The following CRPPA variants were observed in gnomAD, a reference collection of about 807,000 sequenced individuals.
CRPPA encodes the protein CDP-L-ribitol pyrophosphorylase A, also known as D-ribitol-5-phosphate cytidylyltransferase.
Under a neutral mutation model 52.0 loss-of-function variants are expected in CRPPA, and 43 were observed. The ratio of observed to expected loss-of-function variants is 0.83; its 90% CI spans 0.65 to 1.07. The LOEUF is 1.07. Ranked by LOEUF, CRPPA falls within the 50% of genes least tolerant of loss-of-function variation. CRPPA has a pLI of 0.00. For synonymous variants in CRPPA, 250 were observed against 203.5 expected (o/e 1.23, Z -1.94); for missense variants, 629 against 551.7 (o/e 1.14, Z -1.40).
At position 16,399,641 on chromosome 7, in the gene CRPPA, G is replaced by A. The variant is rs559838779; in HGVS notation, c.534+6420C>T. 4.1e-3 allele frequency among the ~76,000 whole-genome samples: 622 copies of A among 151,770 alleles called. 3 individuals are homozygous for A. The highest frequency in any genetic ancestry group is 4.2e-3 in the Non-Finnish European group (282 of 67,914). On this transcript the variant is annotated intron_variant, in intron 2 of 9. Coordinates refer to ENST00000407010, the MANE Select transcript of CRPPA (RefSeq NM_001101426.4). Reference sequence around the variant, plus strand: ...TGACTGACCCGATCGACACATGATCGACATGTAATCAACGTGTGACACGTG... The same window carrying A: ...TGACTGACCCGATCGACACATGATCAACATGTAATCAACGTGTGACACGTG...
At chr7:16,245,060 A>C (rs73291500) in intron 8 of CRPPA, among the ~76,000 whole-genome samples, 2,817 of 152,090 alleles carry the variant, frequency 0.019, 103 homozygotes, top group African/African-American at 0.064. Flanking sequence ...AAAAAAAAAA[A>C]AGCTTGTGGT....
intron 8 of CRPPA, among the ~76,000 whole-genome samples, chr7:16,219,885 T>G (rs1280956095): frequency 1.3e-5 from 2 of 149,648 alleles, no homozygotes; most frequent in East Asian, 2.0e-4. Context: ...CTGGTACCAT[T>G]CCTTCTGAAA....
At chr7:16,180,998 T>G (rs1781402453) in intron 9 of CRPPA, among the ~76,000 whole-genome samples, 1 of 151,960 alleles carries the variant, frequency 6.6e-6, no homozygotes, top group Non-Finnish European at 1.5e-5. Context: ...GTGATATACA[T>G]GATTAGAAAA....
intron 2 of CRPPA, among the ~76,000 whole-genome samples, chr7:16,399,964 C>T (rs965732447): frequency 2.0e-5 from 3 of 152,134 alleles, no homozygotes; most frequent in East Asian, 1.9e-4. Context: ...ACATGGCTTA[C>T]ATGTGACACG....
chr7:16,252,631 G>C (rs1783490945), intron 8 of CRPPA, among the ~76,000 whole-genome samples: 1 of 152,130 alleles, frequency 6.6e-6, no homozygotes, highest in Non-Finnish European at 1.5e-5. Context: ...AAATGAGTTA[G>C]AGAGGATTCC....
chr7:16,259,462 CACA>C (rs1562592090), intron 6 of CRPPA, among the ~76,000 whole-genome samples: 3 of 151,922 alleles, frequency 2.0e-5, no homozygotes, highest in South Asian at 2.1e-4. Flanking sequence ...AAGAAATCAT[CACA>C]ACAATATAAG....
At chr7:16,231,616 T>C (rs986836471) in intron 8 of CRPPA, among the ~76,000 whole-genome samples, 4 of 149,216 alleles carry the variant, frequency 2.7e-5, no homozygotes, top group East Asian at 2.5e-4. Context: ...AATTACACAG[T>C]CTAAGCTAAA....
chr7:16,146,065 C>A (rs1782968523), intron 9 of CRPPA, among the ~76,000 whole-genome samples: 1 of 152,028 alleles, frequency 6.6e-6, no homozygotes, highest in Non-Finnish European at 1.5e-5. Context: ...ATTTTGAAAG[C>A]AGCAAGAGAA....
At chr7:16,261,368 G>A (rs1783792314) in intron 6 of CRPPA, among the ~76,000 whole-genome samples, 4 of 152,132 alleles carry the variant, frequency 2.6e-5, no homozygotes, top group Non-Finnish European at 5.9e-5. Flanking sequence ...GTGAGAGAAG[G>A]AGATAGCACA....
At chr7:16,144,374 G>C (rs934372720) in intron 9 of CRPPA, among the ~76,000 whole-genome samples, 4 of 152,210 alleles carry the variant, frequency 2.6e-5, no homozygotes, top group African/African-American at 9.6e-5. Context: ...TACCTGTCTA[G>C]AGACATGCCC....
chr7:16,114,981 T>G (rs2128368066), intron 9 of CRPPA, among the ~76,000 whole-genome samples: 1 of 152,160 alleles, frequency 6.6e-6, no homozygotes, highest in African/African-American at 2.4e-5. Context: ...GGCAAAAGAC[T>G]AAGGTAACAC....
At chr7:16,153,176 A>T (rs1282936990) in intron 9 of CRPPA, among the ~76,000 whole-genome samples, 1 of 152,044 alleles carries the variant, frequency 6.6e-6, no homozygotes, top group Non-Finnish European at 1.5e-5. Context: ...ATTAAAGATT[A>T]TTACCCTATC....
At chr7:16,114,295 T>C (rs564389724) in intron 9 of CRPPA, among the ~76,000 whole-genome samples, 114 of 147,134 alleles carry the variant, frequency 7.7e-4, no homozygotes, top group South Asian at 7.5e-3. Context: ...CACGCACACA[T>C]ACACACACAC....
chr7:16,330,172 T>C (rs1785514806), intron 3 of CRPPA, among the ~76,000 whole-genome samples: 1 of 152,230 alleles, frequency 6.6e-6, no homozygotes, highest in Non-Finnish European at 1.5e-5. Flanking sequence ...AACCAATTAA[T>C]TGTATTCTTA....
intron 8 of CRPPA, among the ~76,000 whole-genome samples, chr7:16,249,132 C>A (rs549058701): frequency 6.6e-5 from 10 of 152,140 alleles, no homozygotes; most frequent in Non-Finnish European, 1.2e-4. Flanking sequence ...TGCAACCCAC[C>A]AGAGCTCAGT....
intron 6 of CRPPA, among the ~76,000 whole-genome samples, chr7:16,275,559 A>G (rs56279207): frequency 0.3 from 45,995 of 152,054 alleles, 8,712 homozygotes; most frequent in Admixed American, 0.43. Flanking sequence ...GCTAGGTGCA[A>G]TGGTCATGCC....
chr7:16,350,048 A>T (rs1786107151), intron 3 of CRPPA, among the ~76,000 whole-genome samples: 1 of 152,030 alleles, frequency 6.6e-6, no homozygotes, highest in African/African-American at 2.4e-5. Flanking sequence ...TAAAATGATC[A>T]GTGGATTTTT....
chr7:16,277,364 C>CAAAAAAAAAAAAAAAAAAAAAAAAAAAAA lies in CRPPA; in HGVS notation c.933+764_933+765insTTTTTTTTTTTTTTTTTTTTTTTTTTTTT, dbSNP rs35386502. 2.6e-5 allele frequency: 2 copies of CAAAAAAAAAAAAAAAAAAAAAAAAAAAAA among 77,740 alleles called. 1 individual carries two copies. The allele number at this position is 77,740 out of a possible 1,614,324, so 4.8% of individuals were successfully genotyped here. ...TTGGCAACAGAGTGAGACTCCATCT[C>CAAAAAAAAAAAAAAAAAAAAAAAAAAAAA]AAAAAAAAAAAAAAAAAAAAAAAAT... On this transcript the variant is annotated intron_variant, in intron 6 of 9. Transcript: ENST00000407010.
intron 5 of CRPPA, among the ~76,000 whole-genome samples, chr7:16,296,703 C>T (rs1379636972): frequency 6.6e-6 from 1 of 151,440 alleles, no homozygotes; most frequent in African/African-American, 2.4e-5. Flanking sequence ...CTAACAACAA[C>T]AGAAAAAAAA....
Sources: gnomAD v4.1 joint callset for allele counts (sites outside exome capture counted in the v4.1 genomes callset) on GRCh38, gnomAD v4.1.1 for gene constraint, MANE v1.5 for transcripts, NCBI Gene and HGNC (gene_info 2026-07-23, HGNC 2026-07-21) for gene names.